CA13: variants seen among roughly 807,000 people sequenced by gnomAD.
The protein encoded by CA13 is carbonic anhydrase 13, also known as CA-XIII.
Under a neutral mutation model 31.5 loss-of-function variants are expected in CA13, and 21 were observed. The ratio of observed to expected loss-of-function variants is 0.67; its 90% confidence interval spans 0.47 to 0.96. CA13 has a LOEUF of 0.96. Among genes scored for constraint, CA13 ranks in the 40% least tolerant of loss-of-function variants. The pLI is 0.00. For synonymous variants in CA13, 117 were observed against 111.4 expected (o/e 1.05, Z -0.32); for missense variants, 315 against 318.9 (o/e 0.99, Z 0.09).
chr8:85,270,736 C>T (rs886553655), intron 6 of CA13, among the ~76,000 whole-genome samples: 13 of 152,048 alleles, frequency 8.5e-5, no homozygotes, highest in African/African-American at 2.2e-4. Context: ...TGTTTAGTTT[C>T]GTTTTTTGTT....
chr8:85,265,953 C>T (rs1459534309), intron 3 of CA13, among the ~76,000 whole-genome samples: 1 of 152,220 alleles, frequency 6.6e-6, no homozygotes, highest in Admixed American at 6.5e-5. Flanking sequence ...GAAACAGCCT[C>T]ACTGTCCTTG....
At chr8:85,272,724 G>A (rs1438017338) in intron 6 of CA13, among the ~76,000 whole-genome samples, 3 of 152,130 alleles carry the variant, frequency 2.0e-5, no homozygotes, top group African/African-American at 7.2e-5. Context: ...TCACTTTTGT[G>A]TGGACACATT....
chr8:85,268,418 G>T, intron 5 of CA13, 54 bp from the exon 6 acceptor site: 1 of 1,517,640 alleles, frequency 6.6e-7, no homozygotes, highest in Non-Finnish European at 9.1e-7. Context: ...GTTTTTTGAG[G>T]TCTATGTAGA....
Position 85,245,543 on chromosome 8 carries a change from T to C in CA13, c.-286T>C. On this transcript the variant is annotated 5_prime_UTR_variant, in exon 1 of 7. Coordinates refer to ENST00000321764, the MANE Select transcript of CA13 (RefSeq NM_198584.3). ...AGGCAGGAGATCCCCCCCGGAAACCTTTCTCTCTCCGTCTCTCCCTCTAAC... is the reference window on the plus strand; with the variant it reads ...AGGCAGGAGATCCCCCCCGGAAACCCTTCTCTCTCCGTCTCTCCCTCTAAC... The C allele has an allele frequency of 1.3e-5, 6 of 448,578 alleles. No individual in the cohort carries two copies. Among genetic ancestry groups the C allele is most frequent in the Non-Finnish European group, 2.4e-5 (6 of 251,772 alleles). 27.8% of individuals were successfully genotyped at this position (448,578 alleles called of 1,614,324 possible).
At chr8:85,278,062 A>C (rs1807641824) in intron 6 of CA13, among the ~76,000 whole-genome samples, 2 of 151,592 alleles carry the variant, frequency 1.3e-5, no homozygotes, top group Non-Finnish European at 2.9e-5. Context: ...GGAGTTCAAG[A>C]CCAGTCTGGC....
intron 6 of CA13, among the ~76,000 whole-genome samples, chr8:85,278,828 G>T (rs948767744): frequency 1.3e-5 from 2 of 152,202 alleles, no homozygotes; most frequent in African/African-American, 4.8e-5. Flanking sequence ...TTTCTCTGTG[G>T]TTAGTGCATG....
chr8:85,266,397 C>T (rs1457149661), intron 3 of CA13, among the ~76,000 whole-genome samples: 1 of 152,114 alleles, frequency 6.6e-6, no homozygotes, highest in African/African-American at 2.4e-5. Flanking sequence ...ATATAGTGGA[C>T]CACAGACTAG....
At chr8:85,254,870 AAC>A (rs1323920199) in intron 2 of CA13, among the ~76,000 whole-genome samples, 2 of 151,760 alleles carry the variant, frequency 1.3e-5, no homozygotes, top group East Asian at 1.9e-4. Context: ...ATTTGAATAA[AAC>A]AGTTTCCATT....
At position 85,277,756 on chromosome 8, in the gene CA13, A is replaced by T. The variant is rs570381167; in HGVS notation, c.670-3474A>T. On this transcript the variant is annotated intron_variant, in intron 6 of 6. Coordinates refer to ENST00000321764, the MANE Select transcript of CA13 (RefSeq NM_198584.3). ...AAAATGGCATCAGCCGGAAGTGAGG[A>T]CGGGGCAGGGGTTTTATAGTTCTCT... Among the ~76,000 whole-genome samples, 4 of 152,218 alleles carry T rather than the reference A, an allele frequency of 2.6e-5. No homozygotes were observed. The South Asian group carries it at 8.3e-4, about 32-fold the overall frequency.
At chr8:85,255,665 A>T (rs2129959953) in intron 2 of CA13, among the ~76,000 whole-genome samples, 1 of 152,348 alleles carries the variant, frequency 6.6e-6, no homozygotes, top group East Asian at 1.9e-4. Flanking sequence ...GGCATGAGTC[A>T]CTGTGCCATG....
Position 85,282,431 on chromosome 8 carries a change from A to G in CA13, c.*1082A>G, listed in dbSNP as rs1315661486. ...GACATTAACTTGGTTTGAAACTAAC[A>G]TATGACATAGTACCAGTGCAGTCAG... On this transcript the variant is annotated 3_prime_UTR_variant, in exon 7 of 7. Transcript: ENST00000321764. 6.5e-6 allele frequency: 1 copy of G among 152,680 alleles called. No homozygotes were observed. The highest frequency in any genetic ancestry group is 1.5e-5 in the Non-Finnish European group (1 of 68,052). The allele number at this position is 152,680 out of a possible 1,614,324, so 9.5% of individuals were successfully genotyped here. A position where few individuals can be genotyped will look rare whatever the true frequency, so the allele number is the denominator to read the frequency against.
At chr8:85,275,443 G>A (rs1382082271) in intron 6 of CA13, among the ~76,000 whole-genome samples, 1 of 152,126 alleles carries the variant, frequency 6.6e-6, no homozygotes, top group Admixed American at 6.5e-5. Flanking sequence ...ACTCATACGG[G>A]CTCCCCTGCA....
chr8:85,245,567 A>T lies in CA13; in HGVS notation c.-262A>T. On this transcript the variant is annotated 5_prime_UTR_variant, in exon 1 of 7. Transcript: ENST00000321764. ...CTTTCTCTCTCCGTCTCTCCCTCTA[A>T]CTCAAATCTCTCATTCCCGAGTCCA... is the stretch of plus-strand genomic sequence containing the variant. 1 of 515,658 alleles carries T rather than the reference A, an allele frequency of 1.9e-6. No homozygotes were observed. 31.9% of individuals were successfully genotyped at this position (515,658 alleles called of 1,614,324 possible).
chr8:85,254,908 G>GA (rs1309621732), intron 2 of CA13, among the ~76,000 whole-genome samples: 6 of 151,318 alleles, frequency 4.0e-5, no homozygotes, highest in Non-Finnish European at 1.5e-5. Context: ...TTTTGACCAG[G>GA]ATTAACCCTG....
intron 6 of CA13, among the ~76,000 whole-genome samples, chr8:85,279,615 G>A (rs750917289): frequency 3.9e-5 from 6 of 152,218 alleles, no homozygotes; most frequent in Non-Finnish European, 7.3e-5. Context: ...TGAACTACCA[G>A]AGGGGCAGGA....
chr8:85,252,596 TCTA>T (rs1563999719), intron 2 of CA13, among the ~76,000 whole-genome samples: 1 of 152,214 alleles, frequency 6.6e-6, no homozygotes, highest in African/African-American at 2.4e-5. Flanking sequence ...CTTCAGACTA[TCTA>T]CTGCCCAAGC....
In CA13 at chr8:85,255,263, A is replaced by ATT. The variant is rs111718621; in HGVS notation, c.236-4142_236-4141dup. ...GCACACTACCATGCCTAGCTCATGA[A>ATT]TTTTTTTTTTTTTTTTTAAGACAAG... On this transcript the variant is annotated intron_variant, in intron 2 of 6. Coordinates refer to ENST00000321764, the MANE Select transcript of CA13 (RefSeq NM_198584.3). Among the ~76,000 whole-genome samples the ATT allele has an allele frequency of 8.6e-3, 1,205 of 139,824 alleles. 16 individuals carry two copies. The highest frequency in any genetic ancestry group is 0.027 in the African/African-American group (1,019 of 38,028). The allele number at this position is 139,824 out of a possible 152,430, so 91.7% of individuals were successfully genotyped here. A position where few individuals can be genotyped will look rare whatever the true frequency, so the allele number is the denominator to read the frequency against.
At chr8:85,276,263 G>GCCC (rs1807605478) in intron 6 of CA13, among the ~76,000 whole-genome samples, 3 of 152,098 alleles carry the variant, frequency 2.0e-5, no homozygotes, top group Non-Finnish European at 4.4e-5. Context: ...CCTCCCCCCG[G>GCCC]GGCAGGGCTC....
chr8:85,250,866 G>A lies in CA13; in HGVS notation c.164G>A (p.Ser55Asn). 6.2e-7 allele frequency: 1 copy of A among 1,614,008 alleles called. No individual in the cohort carries two copies. The highest frequency in any genetic ancestry group is 8.5e-7 in the Non-Finnish European group (1 of 1,179,992). ...LRPLSIKYDP[S>N]SAKIISNSGH... ...CCACTTAGTATCAAGTATGACCCAA[G>A]CTCAGCTAAAATCATCAGCAACAGC... Residue 55 changes from serine to asparagine, a missense_variant, in exon 2 of 7, where the codon AGC (serine) becomes AAC (asparagine). Ser to Asn is a conservative substitution (Grantham distance 46, BLOSUM62 1). Transcript: ENST00000321764.
Sources: gnomAD v4.1 joint callset for allele counts (sites outside exome capture counted in the v4.1 genomes callset) on GRCh38, gnomAD v4.1.1 for gene constraint, MANE v1.5 for transcripts, NCBI Gene and HGNC (gene_info 2026-07-23, HGNC 2026-07-21) for gene names.